TMEM260: variants seen among roughly 807,000 people sequenced by gnomAD.
TMEM260 encodes the protein transmembrane protein 260.
Under a neutral mutation model 88.9 loss-of-function variants are expected in TMEM260, and 82 were observed. The observed-to-expected ratio is 0.92, with a 90% confidence interval of 0.77 to 1.11. The LOEUF (loss-of-function observed/expected upper bound fraction) is 1.11. Ranked by LOEUF, TMEM260 falls within the 50% of genes least tolerant of loss-of-function variation. TMEM260 has a pLI of 0.00. For missense variants in TMEM260, 902 were observed against 853.4 expected (o/e 1.06, Z -0.71); for synonymous variants, 314 against 309.3 (o/e 1.02, Z -0.16).
intron 3 of TMEM260, among the ~76,000 whole-genome samples, chr14:56,603,114 A>G (rs1286102473): frequency 6.6e-6 from 1 of 152,158 alleles, no homozygotes; most frequent in Non-Finnish European, 1.5e-5. Context: ...ATTGTTTTAA[A>G]TGGTATGGGT....
At chr14:56,595,879 T>A (rs1022909820) in intron 3 of TMEM260, among the ~76,000 whole-genome samples, 3 of 152,184 alleles carry the variant, frequency 2.0e-5, no homozygotes, top group South Asian at 4.1e-4. Flanking sequence ...TTATTACTTC[T>A]ATACCCTTGC....
rs554598525 is a variant in TMEM260 at position 56,603,832 on chromosome 14, C to G, written c.362C>G (p.Ala121Gly). The change falls in exon 4 of 16, where the codon GCT (alanine) becomes GGT (glycine). Residue 121 changes from alanine (A) to glycine (G), a missense_variant. Ala to Gly is a moderately conservative substitution (Grantham distance 60). Coordinates refer to ENST00000261556, the MANE Select transcript of TMEM260 (RefSeq NM_017799.4). ...GTTTGCAGGCTTTCTGGCTCATCTGCTGGAGGAATCCTTGCTGCGGGGGTG... is the reference window on the plus strand; with the variant it reads ...GTTTGCAGGCTTTCTGGCTCATCTGGTGGAGGAATCCTTGCTGCGGGGGTG... Reference protein sequence around the residue: ...FTVFRLSGSSAGGILAAGVFS... With the variant: ...FTVFRLSGSSGGGILAAGVFS... 1.2e-6 allele frequency: 2 copies of G among 1,613,800 alleles called. No homozygotes were observed. The highest frequency in any genetic ancestry group is 1.3e-5 in the African/African-American group (1 of 75,006).
At chr14:56,584,861 T>C (rs1885385858) in intron 1 of TMEM260, 140 bp from the exon 2 acceptor site, 1 of 636,888 alleles carries the variant, frequency 1.6e-6, no homozygotes, top group Non-Finnish European at 2.7e-6. Context: ...GACTATTTCA[T>C]GCTGTTAAAT....
chr14:56,638,447 T>G (rs1046906247), intron 15 of TMEM260: 7 of 152,276 alleles, frequency 4.6e-5, no homozygotes, highest in East Asian at 1.9e-4. Context: ...AACTGAGACT[T>G]ACTTACTGAT....
chr14:56,624,907 G>A (rs1156719005), intron 11 of TMEM260, among the ~76,000 whole-genome samples: 1 of 152,116 alleles, frequency 6.6e-6, no homozygotes, highest in African/African-American at 2.4e-5. Flanking sequence ...GAATGGTCTC[G>A]GGATGAAACT....
intron 11 of TMEM260, 75 bp downstream of exon 11, chr14:56,621,777 A>T: frequency 7.7e-7 from 1 of 1,290,470 alleles, no homozygotes; most frequent in South Asian, 1.5e-5. Context: ...CATCTTTTTT[A>T]AAATGGTGGA....
the TMEM260 span, among the ~76,000 whole-genome samples, chr14:56,658,740 T>A: frequency 1.3e-5 from 2 of 151,892 alleles, no homozygotes; most frequent in Admixed American, 1.3e-4. Flanking sequence ...AAAATACTAT[T>A]ACTATTATTA....
chr14:56,586,803 T>G (rs1256250962), intron 3 of TMEM260, among the ~76,000 whole-genome samples: 1 of 152,004 alleles, frequency 6.6e-6, no homozygotes, highest in African/African-American at 2.4e-5. Flanking sequence ...TTAGCCAAAT[T>G]CTAAATTCTC....
chr14:56,637,530 C>T (rs761741263), intron 15 of TMEM260, among the ~76,000 whole-genome samples: 20 of 152,310 alleles, frequency 1.3e-4, no homozygotes, highest in African/African-American at 4.1e-4. Flanking sequence ...CTATGACTTA[C>T]GGCACTGGCC....
downstream of TMEM260, among the ~76,000 whole-genome samples, chr14:56,655,303 T>C (rs1367964816): frequency 6.6e-6 from 1 of 151,834 alleles, no homozygotes; most frequent in Non-Finnish European, 1.5e-5. Context: ...GGCAGAAGAA[T>C]TGCTTAAACC....
rs760516068 is a variant in TMEM260, at chr14:56,618,632, C to T, written c.1095C>T (p.Ala365=). ...RFWMQSNAVV[A]VLAGIGLAAV... is the part of the protein sequence containing the mutation. ...GGATGCAGAGCAATGCAGTAGTGGC[C>T]GTCCTCGCTGGCATTGGTTTGGCTG... is the stretch of plus-strand genomic sequence containing the variant. Residue 365 remains alanine, a synonymous_variant, in exon 10 of 16, where the codon GCC becomes GCT. Coordinates refer to ENST00000261556, the MANE Select transcript of TMEM260 (RefSeq NM_017799.4). 5.0e-6 allele frequency: 8 copies of T among 1,614,006 alleles called. No individual in the cohort carries two copies. In the African/African-American group the frequency reaches 5.3e-5, roughly 11 times the overall value.
intron 11 of TMEM260, among the ~76,000 whole-genome samples, chr14:56,623,146 A>G (rs1400690541): frequency 2.0e-5 from 3 of 152,210 alleles, no homozygotes; most frequent in Non-Finnish European, 4.4e-5. Context: ...AGTCATCATT[A>G]TGTAAGTTAG....
chr14:56,584,812 T>C lies in TMEM260; in HGVS notation c.161-189T>C, dbSNP rs182627776. ...ACCACTTCTTAAAGACTATCAAAGA[T>C]AGTTTGTTCAATAAGACCTAAAGGA... On this transcript the variant is annotated intron_variant, in intron 1 of 15. Transcript: ENST00000261556. Among the ~76,000 whole-genome samples the C allele has an allele frequency of 4.7e-4, 71 of 152,264 alleles. 1 individual carries two copies. The East Asian group carries it at 0.013, about 27-fold the overall frequency.
At chr14:56,596,767 C>CAA (rs34224409) in intron 3 of TMEM260, among the ~76,000 whole-genome samples, 97 of 91,866 alleles carry the variant, frequency 1.1e-3, no homozygotes, top group African/African-American at 1.9e-3. Flanking sequence ...GTCTCTGTCT[C>CAA]AAAAAAAAAA....
intron 3 of TMEM260, among the ~76,000 whole-genome samples, chr14:56,591,932 G>A (rs1468416280): frequency 1.3e-5 from 2 of 152,122 alleles, no homozygotes; most frequent in Non-Finnish European, 2.9e-5. Flanking sequence ...TGGAAATTTT[G>A]TGATTACATT....
At chr14:56,597,197 C>G (rs905492924) in intron 3 of TMEM260, among the ~76,000 whole-genome samples, 1 of 152,038 alleles carries the variant, frequency 6.6e-6, no homozygotes, top group Non-Finnish European at 1.5e-5. Flanking sequence ...TCAAAAAATC[C>G]GAAATCTAGA....
chr14:56,592,520 C>T (rs1327050614), intron 3 of TMEM260, among the ~76,000 whole-genome samples: 2 of 152,098 alleles, frequency 1.3e-5, no homozygotes, highest in Non-Finnish European at 2.9e-5. Context: ...TAACTTAGCT[C>T]CCTAGTTTCA....
At chr14:56,583,717 G>T (rs548330342) in intron 1 of TMEM260, among the ~76,000 whole-genome samples, 1 of 152,066 alleles carries the variant, frequency 6.6e-6, no homozygotes, top group African/African-American at 2.4e-5. Flanking sequence ...GGTGGCAATT[G>T]AACTTGGCCT....
At chr14:56,583,567 G>A (rs1411419022) in intron 1 of TMEM260, among the ~76,000 whole-genome samples, 1 of 152,064 alleles carries the variant, frequency 6.6e-6, no homozygotes, top group Admixed American at 6.5e-5. Flanking sequence ...CTTAGTGGGA[G>A]AGAGAAATGA....
Sources: gnomAD v4.1 joint callset for allele counts (sites outside exome capture counted in the v4.1 genomes callset) on GRCh38, gnomAD v4.1.1 for gene constraint, MANE v1.5 for transcripts, NCBI Gene and HGNC (gene_info 2026-07-23, HGNC 2026-07-21) for gene names.